The following FBF1 variants were observed in gnomAD, a reference collection of about 807,000 sequenced individuals.
FBF1 encodes the protein Fas binding factor 1.
Under a neutral mutation model 147.2 loss-of-function variants are expected in FBF1, and 119 were observed. The observed-to-expected ratio is 0.81, with a 90% CI of 0.70 to 0.94. The LOEUF (loss-of-function observed/expected upper bound fraction) is 0.94. Ranked by LOEUF, FBF1 falls within the 40% of genes least tolerant of loss-of-function variation. FBF1 has a pLI of 0.00. For synonymous variants in FBF1, 601 were observed against 609.0 expected, an observed-to-expected ratio of 0.99 and a Z score of 0.19; for missense variants, 1,449 against 1,500.8, an observed-to-expected ratio of 0.97 and a Z score of 0.57.
intron 5 of FBF1, 84 bp from the exon 6 acceptor site, chr17:75,931,373 A>G: frequency 7.9e-7 from 1 of 1,273,092 alleles, no homozygotes; most frequent in East Asian, 2.5e-5. Flanking sequence ...TAGAAAGCCC[A>G]AGGAATCTCG....
In FBF1 at chr17:75,931,945, T is replaced by C. The variant is rs542236662; in HGVS notation, c.168-656A>G. 3.9e-5 allele frequency among the ~76,000 whole-genome samples: 6 copies of C among 152,304 alleles called. No homozygotes were observed. In the East Asian group the frequency reaches 9.6e-4, roughly 24 times the overall value. ...AAATCACTGATCTAGGCCAATCCTT[T>C]AATTCTGAGGATAAGAAAATGAGGG... On this transcript the variant is annotated intron_variant, in intron 5 of 29. Coordinates refer to ENST00000636174, the MANE Select transcript of FBF1 (RefSeq NM_001319193.2).
Position 75,921,249 on chromosome 17 carries a change from C to T in FBF1, c.1669G>A (p.Val557Ile), listed in dbSNP as rs191601755. 5.4e-5 allele frequency: 85 copies of T among 1,586,490 alleles called. No homozygotes were observed. Among genetic ancestry groups the T allele is most frequent in the Admixed American group, 2.3e-4 (13 of 55,748 alleles). Residue 557 changes from valine to isoleucine, a missense_variant, in exon 17 of 30, where the codon GTC becomes ATC. Val to Ile is a conservative substitution (Grantham distance 29). Coordinates refer to ENST00000636174, the MANE Select transcript of FBF1 (RefSeq NM_001319193.2). ...CTGTCTGCCCACACCCCTACCTGGA[C>T]GGGCACGGAAGGCTCTGTGGGTTTC... ...TQKPTEPSVP[V>I]QPLLPESLAR... is the part of the protein sequence containing the mutation.
At position 75,920,030 on chromosome 17, in the gene FBF1, C is replaced by T; in HGVS notation, c.1908G>A (p.Leu636=). 1.2e-6 allele frequency: 2 copies of T among 1,604,952 alleles called. No individual in the cohort carries two copies. Among genetic ancestry groups the T allele is most frequent in the African/African-American group, 1.3e-5 (1 of 74,814 alleles). Residue 636 remains leucine (L), a synonymous_variant, in exon 19 of 30, where the codon CTG becomes CTA. Transcript: ENST00000636174. ...GSLQQQHQAD[L]ELIESAHRSR... is the part of the protein sequence containing the mutation. ...ACCTGTGTGCACTCTCGATGAGCTC[C>T]AGGTCTGCCTGGTGCTGCTGCTGCA...
chr17:75,922,061 C>T lies in FBF1; in HGVS notation c.1425-15G>A, dbSNP rs771094625. The T allele has an allele frequency of 3.2e-5, 49 of 1,550,310 alleles. No individual in the cohort carries two copies. The highest frequency in any genetic ancestry group is 3.9e-5 in the Non-Finnish European group (45 of 1,145,904). On this transcript the variant is annotated splice_polypyrimidine_tract_variant and intron_variant, in intron 14 of 29. Coordinates refer to ENST00000636174, the MANE Select transcript of FBF1 (RefSeq NM_001319193.2). The surrounding 1 kb of genome is among the most constrained non-coding windows in gnomAD (Gnocchi z 5.0). The stretch of plus-strand genomic sequence containing the variant: ...TGAGAGGTTGGCTGAGGAAAGGCAG[C>T]GTTCAAGGTGAAGGTGACAGAAGGC...
At chr17:75,938,864 C>CAA (rs11461635) in intron 1 of FBF1, among the ~76,000 whole-genome samples, 5,489 of 135,720 alleles carry the variant, frequency 0.04, 142 homozygotes, top group Middle Eastern at 0.12. Flanking sequence ...GACTCCATCT[C>CAA]AAAAAAAAAA....
At chr17:75,929,964 C>CCCCTCCT in intron 7 of FBF1, 33 bp downstream of exon 7, 1 of 1,402,202 alleles carries the variant, frequency 7.1e-7, no homozygotes, top group Non-Finnish European at 9.9e-7. Flanking sequence ...CACCCACCCC[C>CCCCTCCT]AGTTCTAAGA....
chr17:75,936,889 C>G (rs2065628376), intron 3 of FBF1, among the ~76,000 whole-genome samples: 1 of 152,102 alleles, frequency 6.6e-6, no homozygotes, highest in African/African-American at 2.4e-5. Context: ...ACCCTTCCAT[C>G]TAAGACCCCC....
intron 5 of FBF1, 96 bp downstream of exon 5, chr17:75,932,897 AAT>A: frequency 1.2e-6 from 1 of 807,248 alleles, no homozygotes; most frequent in Non-Finnish European, 1.8e-6. Context: ...AAAAAAAAAA[AAT>A]GGCGAGCAAA....
Position 75,920,183 on chromosome 17 carries a change from T to C in FBF1, c.1831-76A>G, listed in dbSNP as rs930580440. ...CCACGCTGCCCTGTGCCAACAGCCC[T>C]TCCTCCCTCCTGGGGAAGCTTCCAG... is the stretch of plus-strand genomic sequence containing the variant. On this transcript the variant is annotated intron_variant, in intron 18 of 29. Coordinates refer to ENST00000636174, the MANE Select transcript of FBF1 (RefSeq NM_001319193.2). The C allele has an allele frequency of 6.9e-6, 11 of 1,588,722 alleles. No homozygotes were observed. In the East Asian group the frequency reaches 2.5e-4, roughly 36 times the overall value.
At chr17:75,939,351 C>CT (rs1459843851) in intron 1 of FBF1, among the ~76,000 whole-genome samples, 1 of 146,838 alleles carries the variant, frequency 6.8e-6, no homozygotes, top group Non-Finnish European at 1.5e-5. Flanking sequence ...CTTTCTGAGG[C>CT]TTTGAGATTA....
intron 6 of FBF1, 47 bp downstream of exon 6, chr17:75,931,182 T>C: frequency 6.4e-7 from 1 of 1,550,958 alleles, no homozygotes; most frequent in Non-Finnish European, 8.7e-7. Flanking sequence ...CCCATCTCAG[T>C]GTTTCTGGGG....
Position 75,922,237 on chromosome 17 carries a change from T to G in FBF1, c.1425-191A>C. The G allele has an allele frequency of 1.8e-6, 1 of 555,804 alleles. No individual in the cohort carries two copies. The allele number at this position is 555,804 out of a possible 1,614,324, so 34.4% of individuals were successfully genotyped here. On this transcript the variant is annotated intron_variant, in intron 14 of 29. Coordinates refer to ENST00000636174, the MANE Select transcript of FBF1 (RefSeq NM_001319193.2). The surrounding 1 kb of genome is among the most constrained non-coding windows in gnomAD (Gnocchi z 5.0). ...TTTCTGGGCATCTCTTCCCTTCCAGTACCCCCTTCCTGCCTCAATGTCCAC... is the reference window on the plus strand; with the variant it reads ...TTTCTGGGCATCTCTTCCCTTCCAGGACCCCCTTCCTGCCTCAATGTCCAC...
At position 75,923,502 on chromosome 17, in the gene FBF1, A is replaced by G; in HGVS notation, c.1108T>C (p.Phe370Leu). Residue 370 changes from phenylalanine to leucine, a missense_variant, in exon 14 of 30, where the codon TTC becomes CTC. Coordinates refer to ENST00000636174, the MANE Select transcript of FBF1 (RefSeq NM_001319193.2). The surrounding 1 kb of genome is among the most constrained non-coding windows in gnomAD (Gnocchi z 4.1). ...GCCTCTCTGGTGGGTGAGGCAGGGA[A>G]CAGGTCCAAGTCCTCGTCCTTGAGG... The part of the protein sequence containing the change: ...LGLKDEDLDL[F>L]PASPTREAHR... 1 of 1,606,980 alleles carries G rather than the reference A, an allele frequency of 6.2e-7. No homozygotes were observed.
At chr17:75,940,193 G>A (rs1251245806) in intron 1 of FBF1, among the ~76,000 whole-genome samples, 3 of 151,122 alleles carry the variant, frequency 2.0e-5, no homozygotes, top group African/African-American at 4.9e-5. Flanking sequence ...TGCCCGTCTC[G>A]GCCTCCCAAA....
Position 75,910,001 on chromosome 17 carries a change from C to G in FBF1, c.*722G>C. ...GGCAGGTGAGCAGCACAGAGGCTTCCCTCCTCGTCCCTCCCCACACCCCAC... is the reference window on the plus strand; with the variant it reads ...GGCAGGTGAGCAGCACAGAGGCTTCGCTCCTCGTCCCTCCCCACACCCCAC... On this transcript the variant is annotated 3_prime_UTR_variant, in exon 30 of 30. Transcript: ENST00000636174. The surrounding 1 kb of genome is among the most constrained non-coding windows in gnomAD (Gnocchi z 4.1). The G allele has an allele frequency of 1.5e-6, 1 of 681,426 alleles. No homozygotes were observed. 42.2% of individuals were successfully genotyped at this position (681,426 alleles called of 1,614,324 possible). A position where few individuals can be genotyped will look rare whatever the true frequency, so the allele number is the denominator to read the frequency against.
At position 75,926,157 on chromosome 17, in the gene FBF1, C is replaced by G; in HGVS notation, c.741G>C (p.Gly247=). Residue 247 remains glycine, a synonymous_variant, in exon 12 of 30, where the codon GGG becomes GGC. Transcript: ENST00000636174. ...CCAGCGTGGAGCGAGCAGGGCGAGGCCCTTCCCTGCAGGACGGGACACACG... is the reference window on the plus strand; with the variant it reads ...CCAGCGTGGAGCGAGCAGGGCGAGGGCCTTCCCTGCAGGACGGGACACACG... The part of the protein sequence containing the change: ...AEKRQIGDQE[G]PRPARSTLDE... 1 of 1,608,054 alleles carries G rather than the reference C, an allele frequency of 6.2e-7. No homozygotes were observed. Among genetic ancestry groups the G allele is most frequent in the Non-Finnish European group, 8.5e-7 (1 of 1,178,002 alleles).
chr17:75,933,543 C>T (rs923067693), intron 4 of FBF1, among the ~76,000 whole-genome samples: 7 of 152,094 alleles, frequency 4.6e-5, no homozygotes, highest in African/African-American at 1.7e-4. Context: ...TGCACTCCAG[C>T]CTGGGTGACA....
intron 23 of FBF1, among the ~76,000 whole-genome samples, chr17:75,917,000 G>A (rs1016987616): frequency 6.6e-6 from 1 of 152,134 alleles, no homozygotes; most frequent in Non-Finnish European, 1.5e-5. Flanking sequence ...ACAGGCGTGC[G>A]CCACCACGCC....
In FBF1 at chr17:75,910,706, A is replaced by G. The variant is rs1168238991; in HGVS notation, c.*17T>C. ...TGGGGTCCGAACCCTCTGTTGGGGA[A>G]TCGGCTGGGGTCCCACTCAGGCTGA... On this transcript the variant is annotated 3_prime_UTR_variant, in exon 30 of 30. Transcript: ENST00000636174. This position sits in a 1 kb window ranked among gnomAD's most constrained non-coding sequence, Gnocchi z 4.1. The G allele has an allele frequency of 1.3e-6, 2 of 1,599,646 alleles. No individual in the cohort carries two copies. Among genetic ancestry groups the G allele is most frequent in the Non-Finnish European group, 8.5e-7 (1 of 1,173,244 alleles).
Sources: allele counts gnomAD v4.1 joint callset (sites outside exome capture counted in the v4.1 genomes callset), GRCh38; gene constraint gnomAD v4.1.1; non-coding constraint Gnocchi (gnomAD v3.1); transcripts MANE v1.5; gene names NCBI Gene and HGNC (gene_info 2026-07-23, HGNC 2026-07-21).